The following NFATC1 variants were observed in gnomAD, a reference collection of about 807,000 sequenced individuals.
NFATC1 encodes the protein nuclear factor of activated T cells 1.
A neutral mutation model predicts 76.0 loss-of-function variants in NFATC1; 22 were observed. The observed-to-expected ratio is 0.29, with a 90% CI of 0.21 to 0.41. The LOEUF (loss-of-function observed/expected upper bound fraction) is 0.41, where lower values mean the gene tolerates loss of function less well. NFATC1 is among the 10% of genes least tolerant of loss of function. The pLI, the probability that NFATC1 is intolerant of heterozygous loss-of-function variation, is 1.00. For missense variants in NFATC1, 1,357 were observed against 1,337.7 expected (o/e 1.01, Z -0.23); for synonymous variants, 704 against 613.1 (o/e 1.15, Z -2.19).
At position 79,474,179 on chromosome 18, in the gene NFATC1, C is replaced by T. The variant is rs184199077; in HGVS notation, c.2092+6597C>T. On this transcript the variant is annotated intron_variant, in intron 8 of 9. Coordinates refer to ENST00000427363, the MANE Select transcript of NFATC1 (RefSeq NM_001278669.2). ...GGAAGCGTGTTCTCACGCTCGCTGT[C>T]GACGTAAACCTGAGGGAAGCGTGTT... is the stretch of plus-strand genomic sequence containing the variant. Among the ~76,000 whole-genome samples, 696 of 108,880 alleles carry T rather than the reference C, an allele frequency of 6.4e-3. 12 individuals carry two copies. The highest frequency in any genetic ancestry group is 0.027 in the Middle Eastern group (4 of 150). 71.4% of individuals were successfully genotyped at this position (108,880 alleles called of 152,430 possible). A position where few individuals can be genotyped will look rare whatever the true frequency, so the allele number is the denominator to read the frequency against.
intron 9 of NFATC1, among the ~76,000 whole-genome samples, chr18:79,487,187 G>C (rs575884109): frequency 2.0e-5 from 3 of 152,366 alleles, no homozygotes; most frequent in Non-Finnish European, 2.9e-5. Context: ...CTGGGCTGCA[G>C]ATCCTCCTGC....
intron 2 of NFATC1, among the ~76,000 whole-genome samples, chr18:79,430,194 A>G (rs1436916746): frequency 2.0e-5 from 3 of 152,252 alleles, no homozygotes; most frequent in Non-Finnish European, 2.9e-5. Context: ...CTTATGTAAT[A>G]GTCAGCTGCA....
intron 9 of NFATC1, among the ~76,000 whole-genome samples, chr18:79,490,743 C>G (rs921565263): frequency 2.0e-5 from 3 of 152,128 alleles, no homozygotes; most frequent in African/African-American, 7.2e-5. Flanking sequence ...GAGAAGATGG[C>G]TGGAGCATCC....
intron 1 of NFATC1, among the ~76,000 whole-genome samples, chr18:79,399,210 GTAT>G (rs1221733284): frequency 6.6e-6 from 1 of 152,240 alleles, no homozygotes; most frequent in Non-Finnish European, 1.5e-5. Flanking sequence ...AAAGTCAGAA[GTAT>G]TATTAGAAAC....
Position 79,486,679 on chromosome 18 carries a change from C to A in NFATC1, c.2524C>A (p.Leu842Ile), listed in dbSNP as rs752788695. The change falls in exon 9 of 10, where the codon CTC (leucine) becomes ATC (isoleucine). Residue 842 changes from leucine (L) to isoleucine (I), a missense_variant. Coordinates refer to ENST00000427363, the MANE Select transcript of NFATC1 (RefSeq NM_001278669.2). Reference sequence around the variant, plus strand: ...CTGCCCCCCTGGTCTCGAACACTCGCTCTGCCCCAGCAGCCCCTCTCCTCC... The same window carrying A: ...CTGCCCCCCTGGTCTCGAACACTCGATCTGCCCCAGCAGCCCCTCTCCTCC... ...SSCPPGLEHSLCPSSPSPPLP... is the reference protein window; with the variant it reads ...SSCPPGLEHSICPSSPSPPLP... 14 of 1,602,564 alleles carry A rather than the reference C, an allele frequency of 8.7e-6. No homozygotes were observed. The highest frequency in any genetic ancestry group is 1.1e-5 in the Non-Finnish European group (13 of 1,177,044).
At chr18:79,408,309 C>T (rs980352022) in intron 1 of NFATC1, among the ~76,000 whole-genome samples, 9 of 152,190 alleles carry the variant, frequency 5.9e-5, no homozygotes, top group African/African-American at 1.9e-4. Flanking sequence ...TTTCCATGTG[C>T]TTGTTTGTAT....
At chr18:79,432,424 G>GC (rs2086632678) in intron 2 of NFATC1, among the ~76,000 whole-genome samples, 1 of 152,122 alleles carries the variant, frequency 6.6e-6, no homozygotes, top group African/African-American at 2.4e-5. Flanking sequence ...GGTGAGGACA[G>GC]CCGTTGGGCC....
chr18:79,521,718 T>G (rs1408750474), intron 9 of NFATC1, among the ~76,000 whole-genome samples: 4 of 68,012 alleles, frequency 5.9e-5, no homozygotes, highest in Non-Finnish European at 1.0e-4. Context: ...TCCACTGATG[T>G]GTGTGTCTGT....
intron 1 of NFATC1, among the ~76,000 whole-genome samples, chr18:79,399,364 G>C (rs1438134414): frequency 6.6e-6 from 1 of 152,266 alleles, no homozygotes; most frequent in Admixed American, 6.5e-5. Context: ...GCAGGCCAGA[G>C]GGAGCGCTCC....
intron 1 of NFATC1, 28 bp downstream of exon 1, chr18:79,396,379 G>C (rs2085003772): frequency 8.0e-7 from 1 of 1,253,498 alleles, no homozygotes; most frequent in African/African-American, 1.6e-5. Flanking sequence ...TCCGCCCCCG[G>C]ACCCCTGCGC....
Position 79,474,462 on chromosome 18 carries a change from G to T in NFATC1, c.2092+6880G>T, listed in dbSNP as rs937337379. Among the ~76,000 whole-genome samples the T allele has an allele frequency of 2.5e-3, 361 of 143,634 alleles. 7 individuals are homozygous for T. The highest frequency in any genetic ancestry group is 8.7e-3 in the African/African-American group (330 of 37,904). The allele number at this position is 143,634 out of a possible 152,430, so 94.2% of individuals were successfully genotyped here. Reference sequence around the variant, plus strand: ...GCGTGTTCTCGCGCTCACTGTCGACGTTGTAAACCTGAGGGAAGCGTGTTC... The same window carrying T: ...GCGTGTTCTCGCGCTCACTGTCGACTTTGTAAACCTGAGGGAAGCGTGTTC... On this transcript the variant is annotated intron_variant, in intron 8 of 9. Coordinates refer to ENST00000427363, the MANE Select transcript of NFATC1 (RefSeq NM_001278669.2).
Position 79,469,808 on chromosome 18 carries a change from G to T in NFATC1, c.2092+2226G>T, listed in dbSNP as rs998077720. Reference sequence around the variant, plus strand: ...CATCCCAGGTCCCCACAAGCACACTGACCAGCCCCACCAGCCCCCAGGGGC... The same window carrying T: ...CATCCCAGGTCCCCACAAGCACACTTACCAGCCCCACCAGCCCCCAGGGGC... On this transcript the variant is annotated intron_variant, in intron 8 of 9. Coordinates refer to ENST00000427363, the MANE Select transcript of NFATC1 (RefSeq NM_001278669.2). 6 of 985,252 alleles carry T rather than the reference G, an allele frequency of 6.1e-6. No individual in the cohort carries two copies. The African/African-American group carries it at 1.1e-4, about 17-fold the overall frequency. 61.0% of individuals were successfully genotyped at this position (985,252 alleles called of 1,614,324 possible).
rs2090715029 is a variant in NFATC1, at chr18:79,524,893, CTCT to C, written c.2783-2634_2783-2632del. Among the ~76,000 whole-genome samples the C allele has an allele frequency of 6.6e-6, 1 of 152,010 alleles. No individual in the cohort carries two copies. Among genetic ancestry groups the C allele is most frequent in the Admixed American group, 6.5e-5 (1 of 15,270 alleles). On this transcript the variant is annotated intron_variant, in intron 9 of 9. Transcript: ENST00000427363. The surrounding 1 kb of genome is among the most constrained non-coding windows in gnomAD (Gnocchi z 7.2). ...CCTGTGCCCGCGGGGAACAAGACGGCTCTCGGCGGCCATGCAGGCGGCCTGTCC... is the reference window on the plus strand; with the variant it reads ...CCTGTGCCCGCGGGGAACAAGACGGCCGGCGGCCATGCAGGCGGCCTGTCC...
chr18:79,481,145 C>G (rs980818404), intron 8 of NFATC1, among the ~76,000 whole-genome samples: 10 of 152,264 alleles, frequency 6.6e-5, no homozygotes, highest in African/African-American at 2.4e-4. Flanking sequence ...AGCCCTGCCT[C>G]TGGGGCTCCC....
chr18:79,469,951 C>T (rs545250583), intron 8 of NFATC1: 11 of 985,488 alleles, frequency 1.1e-5, no homozygotes, highest in African/African-American at 1.7e-5. Flanking sequence ...CCAGTGTTGA[C>T]GCTGGGCCTA....
At chr18:79,430,329 C>T (rs1217606475) in intron 2 of NFATC1, among the ~76,000 whole-genome samples, 2 of 152,140 alleles carry the variant, frequency 1.3e-5, no homozygotes, top group African/African-American at 4.8e-5. Context: ...TCTTCTCTGT[C>T]TCTTAACTTT....
At chr18:79,502,222 T>G (rs1277513747) in intron 9 of NFATC1, among the ~76,000 whole-genome samples, 2 of 152,240 alleles carry the variant, frequency 1.3e-5, no homozygotes, top group Non-Finnish European at 2.9e-5. Context: ...ATTGATTTTT[T>G]GACAAAGGCA....
intron 2 of NFATC1, among the ~76,000 whole-genome samples, chr18:79,426,195 C>T (rs1267163299): frequency 6.6e-6 from 1 of 152,000 alleles, no homozygotes; most frequent in Non-Finnish European, 1.5e-5. Flanking sequence ...ATTCGATAAT[C>T]CTGCGATTGA....
intron 9 of NFATC1, among the ~76,000 whole-genome samples, chr18:79,506,368 C>T (rs2090121384): frequency 6.6e-6 from 1 of 152,196 alleles, no homozygotes; most frequent in South Asian, 2.1e-4. Context: ...GTCCCCCCAT[C>T]TTCCCACCTC....
Sources: gnomAD v4.1 joint callset for allele counts (sites outside exome capture counted in the v4.1 genomes callset) on GRCh38, gnomAD v4.1.1 for gene constraint, Gnocchi (gnomAD v3.1) non-coding constraint, MANE v1.5 for transcripts, NCBI Gene and HGNC (gene_info 2026-07-23, HGNC 2026-07-21) for gene names.